Variants in PRKCA observed in about 807,000 individuals in gnomAD.
PRKCA encodes protein kinase C alpha type.
A neutral mutation model predicts 87.0 loss-of-function variants in PRKCA; 27 were observed. That is an observed-to-expected ratio of 0.31 (90% CI 0.23 to 0.43). The LOEUF is 0.43. Among genes scored for constraint, PRKCA ranks in the 20% least tolerant of loss-of-function variants. The pLI, the probability that PRKCA is intolerant of heterozygous loss-of-function variation, is 1.00. For missense variants in PRKCA, 518 were observed against 852.3 expected, an observed-to-expected ratio of 0.61 and a Z score of 4.88; for synonymous variants, 329 against 311.1, an observed-to-expected ratio of 1.06 and a Z score of -0.61.
intron 8 of PRKCA, among the ~76,000 whole-genome samples, chr17:66,695,319 G>C (rs1439100820): frequency 6.6e-6 from 1 of 152,200 alleles, no homozygotes; most frequent in Non-Finnish European, 1.5e-5. Flanking sequence ...CCAAGCTTCA[G>C]ATTTCACAAA....
chr17:66,558,320 T>G (rs1233857107), intron 3 of PRKCA, among the ~76,000 whole-genome samples: 1 of 152,236 alleles, frequency 6.6e-6, no homozygotes, highest in Non-Finnish European at 1.5e-5. Context: ...AATACATTAT[T>G]TGTTTAAAGT....
chr17:66,723,470 A>T (rs1008836779), intron 8 of PRKCA, among the ~76,000 whole-genome samples: 1 of 152,116 alleles, frequency 6.6e-6, no homozygotes, highest in Non-Finnish European at 1.5e-5. Context: ...TCTACTAAAA[A>T]TACAAAAATT....
At chr17:66,690,499 A>G (rs1972749382) in intron 8 of PRKCA, among the ~76,000 whole-genome samples, 1 of 152,122 alleles carries the variant, frequency 6.6e-6, no homozygotes, top group South Asian at 2.1e-4. Flanking sequence ...TATATGATAC[A>G]TTCTGATTTA....
intron 3 of PRKCA, among the ~76,000 whole-genome samples, chr17:66,539,194 C>T (rs936653241): frequency 2.0e-5 from 3 of 152,132 alleles, no homozygotes; most frequent in African/African-American, 7.2e-5. Context: ...TTTTCCCCAG[C>T]TGCCTTTTTT....
At chr17:66,678,841 T>C (rs1972409671) in intron 5 of PRKCA, among the ~76,000 whole-genome samples, 1 of 152,188 alleles carries the variant, frequency 6.6e-6, no homozygotes, top group African/African-American at 2.4e-5. Flanking sequence ...TAAAAATCTC[T>C]ACATCGGTGC....
intron 16 of PRKCA, among the ~76,000 whole-genome samples, chr17:66,790,683 C>T (rs1448171160): frequency 2.0e-5 from 3 of 152,196 alleles, no homozygotes; most frequent in African/African-American, 7.2e-5. Context: ...ATCCAATTAC[C>T]TGTCAGTCAC....
rs1175972657 is a variant in PRKCA, at chr17:66,741,690, T to C, written c.1354T>C (p.Phe452Leu). 7 of 1,614,096 alleles carry C rather than the reference T, an allele frequency of 4.3e-6. No individual in the cohort carries two copies. The highest frequency in any genetic ancestry group is 5.9e-6 in the Non-Finnish European group (7 of 1,180,048). ...FYAAEISIGL[F>L]FLHKRGIIYR... is the part of the protein sequence containing the mutation. ...TGCGGCAGAGATTTCCATCGGATTG[T>C]TCTTTCTTCATAAAAGAGGAATCAT... is the stretch of plus-strand genomic sequence containing the variant. Residue 452 changes from phenylalanine (F) to leucine (L), a missense_variant, in exon 12 of 17, where the codon TTC (phenylalanine) becomes CTC (leucine). Phe to Leu is a conservative substitution (Grantham distance 22). Around this residue, in one of 5 missense-constraint regions of PRKCA, gnomAD observed 300 missense variants for 496.8 expected, o/e 0.60. Coordinates refer to ENST00000413366, the MANE Select transcript of PRKCA (RefSeq NM_002737.3).
intron 2 of PRKCA, among the ~76,000 whole-genome samples, chr17:66,358,157 A>G (rs78690088): frequency 0.011 from 1,616 of 147,562 alleles, 15 homozygotes; most frequent in Non-Finnish European, 0.016. Flanking sequence ...ATAGAGCACA[A>G]TTTTTTTTTT....
chr17:66,534,892 C>A, intron 3 of PRKCA, among the ~76,000 whole-genome samples: 1 of 151,948 alleles, frequency 6.6e-6, no homozygotes, highest in East Asian at 1.9e-4. Context: ...TTTATTAATC[C>A]GGAGATTTCT....
At chr17:66,671,430 G>A (rs538086481) in intron 5 of PRKCA, among the ~76,000 whole-genome samples, 2 of 152,048 alleles carry the variant, frequency 1.3e-5, no homozygotes, top group South Asian at 2.1e-4. Context: ...AGCTTTCCTC[G>A]TCTATAAAAT....
intron 3 of PRKCA, among the ~76,000 whole-genome samples, chr17:66,589,688 T>C (rs59074994): frequency 0.02 from 3,075 of 152,264 alleles, 116 homozygotes; most frequent in African/African-American, 0.069. Flanking sequence ...TGTCTGGGGC[T>C]CTCATTTGGA....
At chr17:66,683,460 G>A (rs1160956875) in intron 5 of PRKCA, among the ~76,000 whole-genome samples, 1 of 152,230 alleles carries the variant, frequency 6.6e-6, no homozygotes, top group Non-Finnish European at 1.5e-5. Context: ...CCCGGACCAA[G>A]TAGATCTGAC....
intron 16 of PRKCA, among the ~76,000 whole-genome samples, chr17:66,794,321 G>A (rs1975612122): frequency 6.6e-6 from 1 of 152,112 alleles, no homozygotes; most frequent in South Asian, 2.1e-4. Context: ...AGAACATTGA[G>A]GACATCCCTG....
chr17:66,796,730 T>C, intron 16 of PRKCA: 2 of 985,364 alleles, frequency 2.0e-6, no homozygotes, highest in Non-Finnish European at 2.4e-6. Context: ...TCTGCTGTTA[T>C]TTAACTTAAA....
intron 8 of PRKCA, among the ~76,000 whole-genome samples, chr17:66,716,709 A>T (rs923783331): frequency 1.3e-5 from 2 of 152,138 alleles, no homozygotes; most frequent in African/African-American, 4.8e-5. Flanking sequence ...ACACACCGGG[A>T]TACTAGAGGT....
At chr17:66,372,565 T>C (rs1256061740) in intron 2 of PRKCA, among the ~76,000 whole-genome samples, 1 of 152,244 alleles carries the variant, frequency 6.6e-6, no homozygotes, top group Admixed American at 6.5e-5. Context: ...ATTCTTTATT[T>C]TGAGACATCC....
chr17:66,491,710 T>C (rs1235864183), intron 2 of PRKCA, among the ~76,000 whole-genome samples: 2 of 152,248 alleles, frequency 1.3e-5, no homozygotes, highest in African/African-American at 4.8e-5. Flanking sequence ...TCCTTTTGTT[T>C]TATTGAGCCA....
chr17:66,661,061 T>A (rs1463832950), intron 5 of PRKCA, among the ~76,000 whole-genome samples: 2 of 152,216 alleles, frequency 1.3e-5, no homozygotes, highest in Non-Finnish European at 2.9e-5. Flanking sequence ...ATTCTCTTTC[T>A]GTATCTCACC....
At chr17:66,410,382 C>T (rs1372525139) in intron 2 of PRKCA, among the ~76,000 whole-genome samples, 1 of 152,126 alleles carries the variant, frequency 6.6e-6, no homozygotes, top group East Asian at 1.9e-4. Flanking sequence ...TGTTGCTTGT[C>T]ACTGAAAACT....
Sources: allele counts gnomAD v4.1 joint callset (sites outside exome capture counted in the v4.1 genomes callset), GRCh38; gene constraint gnomAD v4.1.1; regional missense constraint gnomAD v4.1.1; transcripts MANE v1.5; gene names NCBI Gene and HGNC (gene_info 2026-07-23, HGNC 2026-07-21).